MLXIPL: variants seen among roughly 807,000 people sequenced by gnomAD.
MLXIPL encodes the protein MLX interacting protein like, also known as carbohydrate-responsive element-binding protein.
In MLXIPL, 49 loss-of-function variants were observed where a neutral mutation model predicts 81.5. That is an observed-to-expected ratio of 0.60 (90% CI 0.48 to 0.76). The LOEUF is 0.76. Ranked by LOEUF, MLXIPL falls within the 30% of genes least tolerant of loss-of-function variation. The probability of loss-of-function intolerance (pLI) is 0.00; values close to 1 mark genes in which losing one functional copy is unlikely to be tolerated. For missense variants in MLXIPL, 1,053 were observed against 1,167.0 expected, an observed-to-expected ratio of 0.90 and a Z score of 1.42; for synonymous variants, 466 against 485.5, an observed-to-expected ratio of 0.96 and a Z score of 0.53.
Position 73,616,138 on chromosome 7 carries a change from GC to G in MLXIPL, c.332del (p.Gly111AlafsTer12). The stretch of plus-strand genomic sequence containing the variant: ...TCTTGTCTCTGCAGAGCAGCTTGAG[GC>G]CTTTGAAATTCTTCCACTTGGGAGA... ...LVSPKWKNFK[G>X]LKLLCRDKIR... On this transcript the variant is annotated frameshift_variant, in exon 2 of 17. Transcript: ENST00000313375. LOFTEE classifies it high-confidence loss of function. 2 of 1,614,106 alleles carry G rather than the reference GC, an allele frequency of 1.2e-6. No homozygotes were observed. The highest frequency in any genetic ancestry group is 8.5e-7 in the Non-Finnish European group (1 of 1,180,014).
At chr7:73,603,280 C>T (rs1209095723) in intron 7 of MLXIPL, among the ~76,000 whole-genome samples, 1 of 152,184 alleles carries the variant, frequency 6.6e-6, no homozygotes, top group Admixed American at 6.5e-5. Context: ...CTCTGTGTGG[C>T]CCACACTTTT....
chr7:73,638,286 C>T, the MLXIPL span, among the ~76,000 whole-genome samples: 1 of 152,104 alleles, frequency 6.6e-6, no homozygotes, highest in African/African-American at 2.4e-5. Flanking sequence ...GGTACCAGAA[C>T]AGGTCATCTA....
intron 7 of MLXIPL, among the ~76,000 whole-genome samples, chr7:73,601,714 C>G (rs1392075744): frequency 6.6e-6 from 1 of 151,782 alleles, no homozygotes; most frequent in African/African-American, 2.4e-5. Flanking sequence ...TATTTTTTAG[C>G]AAAAATGGGG....
At chr7:73,646,562 G>A in the MLXIPL span, among the ~76,000 whole-genome samples, 9 of 152,116 alleles carry the variant, frequency 5.9e-5, no homozygotes, top group Non-Finnish European at 5.9e-5. Context: ...GCCTGGCTCA[G>A]CCAGCAGACT....
chr7:73,597,179 C>T lies in MLXIPL; in HGVS notation c.1603+3G>A. 1 of 1,600,968 alleles carries T rather than the reference C, an allele frequency of 6.2e-7. No individual in the cohort carries two copies. The highest frequency in any genetic ancestry group is 8.5e-7 in the Non-Finnish European group (1 of 1,176,372). On this transcript the variant is annotated splice_donor_region_variant and intron_variant, in intron 9 of 16. Transcript: ENST00000313375. The stretch of plus-strand genomic sequence containing the variant: ...CTTTCCTCTCCCCGTTGCTGGCCCT[C>T]ACCTGCTGTGAGCAGCTGTGTGAGG...
Position 73,607,365 on chromosome 7 carries a change from TC to T in MLXIPL, c.538del (p.Glu180AsnfsTer80). 1 of 1,567,890 alleles carries T rather than the reference TC, an allele frequency of 6.4e-7. No individual in the cohort carries two copies. The highest frequency in any genetic ancestry group is 8.7e-7 in the Non-Finnish European group (1 of 1,155,966). On this transcript the variant is annotated frameshift_variant, in exon 4 of 17. Transcript: ENST00000313375. LOFTEE classifies it high-confidence loss of function. ...WKRRIEVVMREYHKWRIYYKK... is the reference protein window; with the variant it reads ...WKRRIEVVMRXYHKWRIYYKK... ...GTAGTAGATGCGCCACTTGTGGTAT[TC>T]CCGCATCACCACCTCGATGCGCCGC...
At position 73,596,814 on chromosome 7, in the gene MLXIPL, C is replaced by T. The variant is rs370701750; in HGVS notation, c.1672-25G>A. 13 of 1,607,798 alleles carry T rather than the reference C, an allele frequency of 8.1e-6. No homozygotes were observed. The African/African-American group carries it at 1.5e-4, about 18-fold the overall frequency. On this transcript the variant is annotated intron_variant, in intron 10 of 16. Coordinates refer to ENST00000313375, the MANE Select transcript of MLXIPL (RefSeq NM_032951.3). This position sits in a 1 kb window ranked among gnomAD's most constrained non-coding sequence, Gnocchi z 4.7. The stretch of plus-strand genomic sequence containing the variant: ...GCTGGGGTGGAGAAGGGCGGAGAGT[C>T]GGGTTGAAGGCCGTGGGCACAGCCC...
At chr7:73,620,600 G>A (rs1350083094) in intron 1 of MLXIPL, among the ~76,000 whole-genome samples, 9 of 146,078 alleles carry the variant, frequency 6.2e-5, no homozygotes, top group East Asian at 4.0e-4. Flanking sequence ...AAAAAAAGCC[G>A]GATGTGGTGG....
intron 5 of MLXIPL, 56 bp downstream of exon 5, chr7:73,606,918 C>A: frequency 6.3e-7 from 1 of 1,591,094 alleles, no homozygotes. Context: ...CTCTGCCTCC[C>A]ATCTACTTGG....
chr7:73,618,245 T>A (rs782390653), intron 1 of MLXIPL, among the ~76,000 whole-genome samples: 3 of 152,204 alleles, frequency 2.0e-5, no homozygotes, highest in Non-Finnish European at 4.4e-5. Context: ...TACAGGCATA[T>A]GCCATGACAC....
Position 73,606,083 on chromosome 7 carries a change from T to C in MLXIPL, c.647A>G (p.Gln216Arg). 1 of 1,587,038 alleles carries C rather than the reference T, an allele frequency of 6.3e-7. No homozygotes were observed. The highest frequency in any genetic ancestry group is 8.6e-7 in the Non-Finnish European group (1 of 1,166,836). The change falls in exon 6 of 17, where the codon CAA becomes CGA. Residue 216 changes from glutamine to arginine, a missense_variant. Gln to Arg is a conservative substitution (Grantham distance 43). This residue lies in a region of MLXIPL where 823 missense variants were observed against 933.0 expected (regional missense o/e 0.88). Coordinates refer to ENST00000313375, the MANE Select transcript of MLXIPL (RefSeq NM_032951.3). ...ACTGGAGAAGAGCTGTTTGCACCAT[T>C]GCTCCGGCGGCGGCCACCTGCCTTC... is the stretch of plus-strand genomic sequence containing the variant. Reference protein sequence around the residue: ...QAEGRWPPPEQWCKQLFSSVV... With the variant: ...QAEGRWPPPERWCKQLFSSVV...
At chr7:73,635,032 G>A in the MLXIPL span, among the ~76,000 whole-genome samples, 4 of 150,214 alleles carry the variant, frequency 2.7e-5, no homozygotes, top group African/African-American at 9.8e-5. Context: ...CGCCATGTTG[G>A]CCAGGCTAGT....
chr7:73,605,680 C>T lies in MLXIPL; in HGVS notation c.901+8G>A, dbSNP rs782332820. ...CGTCCACCCGACCTGGGGAGGGGCT[C>T]GCCCCACCTGAGATGTCCATGAAGT... On this transcript the variant is annotated splice_region_variant and intron_variant, in intron 7 of 16. Transcript: ENST00000313375. 3.7e-6 allele frequency: 6 copies of T among 1,612,946 alleles called. No homozygotes were observed. The highest frequency in any genetic ancestry group is 2.2e-5 in the East Asian group (1 of 44,890).
At chr7:73,622,226 C>G (rs1396078341) in intron 1 of MLXIPL, among the ~76,000 whole-genome samples, 1 of 151,950 alleles carries the variant, frequency 6.6e-6, no homozygotes, top group Non-Finnish European at 1.5e-5. Context: ...CATGTTGGCT[C>G]ATGCCTGTAA....
chr7:73,609,371 A>C (rs1272098472), intron 2 of MLXIPL: 2 of 151,376 alleles, frequency 1.3e-5, no homozygotes, highest in Non-Finnish European at 1.5e-5. Context: ...CAGCCTCCCA[A>C]GTAGCTGGAA....
chr7:73,626,683 C>T (rs1796761424), upstream of MLXIPL, among the ~76,000 whole-genome samples: 1 of 152,158 alleles, frequency 6.6e-6, no homozygotes, highest in Non-Finnish European at 1.5e-5. Flanking sequence ...AGCAAAAACA[C>T]ACCCAAGCAT....
At chr7:73,621,071 A>G (rs1796316746) in intron 1 of MLXIPL, among the ~76,000 whole-genome samples, 1 of 151,636 alleles carries the variant, frequency 6.6e-6, no homozygotes, top group African/African-American at 2.4e-5. Context: ...AAATAAATAA[A>G]TAAATAAATA....
At chr7:73,640,416 G>A in the MLXIPL span, among the ~76,000 whole-genome samples, 37,676 of 140,702 alleles carry the variant, frequency 0.27, 5,172 homozygotes, top group African/African-American at 0.32. Context: ...AAAAAAAAAA[G>A]AAAAAGAAAA....
chr7:73,641,162 C>A, the MLXIPL span, among the ~76,000 whole-genome samples: 1 of 151,924 alleles, frequency 6.6e-6, no homozygotes, highest in Non-Finnish European at 1.5e-5. Context: ...GGTGTAGTGG[C>A]GAGTGCCTTA....
Sources: gnomAD v4.1 joint callset for allele counts (sites outside exome capture counted in the v4.1 genomes callset) on GRCh38, gnomAD v4.1.1 for gene constraint, gnomAD v4.1.1 regional missense constraint, Gnocchi (gnomAD v3.1) non-coding constraint, MANE v1.5 for transcripts, NCBI Gene and HGNC (gene_info 2026-07-23, HGNC 2026-07-21) for gene names.